The following KLHL24 variants were observed in gnomAD, a reference collection of about 807,000 sequenced individuals.
KLHL24 encodes the protein kelch like family member 24, also known as kelch-like protein 24.
Under a neutral mutation model 53.4 loss-of-function variants are expected in KLHL24, and 29 were observed. The observed-to-expected ratio is 0.54, with a 90% CI of 0.40 to 0.74. The LOEUF is 0.74. Ranked by LOEUF, KLHL24 falls within the 30% of genes least tolerant of loss-of-function variation. KLHL24 has a pLI of 0.00. For synonymous variants in KLHL24, 222 were observed against 253.7 expected (o/e 0.88, Z 1.19); for missense variants, 504 against 744.0 (o/e 0.68, Z 3.75).
At position 183,679,125 on chromosome 3, in the gene KLHL24, A is replaced by G; in HGVS notation, c.1642A>G (p.Ile548Val). 6.2e-7 allele frequency: 1 copy of G among 1,613,976 alleles called. No homozygotes were observed. Among genetic ancestry groups the G allele is most frequent in the Non-Finnish European group, 8.5e-7 (1 of 1,179,862 alleles). ...GTCTGTGTGTAATGGTAAAATATAT[A>G]TCCTGGGCGGAAGACGGGAAAATGG... ...GMSVCNGKIY[I>V]LGGRRENGEA... The change falls in exon 8 of 8, where the codon ATC becomes GTC. Residue 548 changes from isoleucine (I) to valine (V), a missense_variant. Transcript: ENST00000242810.
rs1476309921 is a variant in KLHL24 at position 183,682,404 on chromosome 3, A to G, written c.*3118A>G. 6.6e-6 allele frequency: 1 copy of G among 152,596 alleles called. No individual in the cohort carries two copies. Among genetic ancestry groups the G allele is most frequent in the East Asian group, 1.9e-4 (1 of 5,198 alleles). The allele number at this position is 152,596 out of a possible 1,614,324, so 9.5% of individuals were successfully genotyped here. On this transcript the variant is annotated 3_prime_UTR_variant, in exon 8 of 8. Coordinates refer to ENST00000242810, the MANE Select transcript of KLHL24 (RefSeq NM_017644.3). Reference sequence around the variant, plus strand: ...TGAAATACTAGTGTATTGGATCTTCAGTAACCTTTTTATTTCCTAGATGAT... The same window carrying G: ...TGAAATACTAGTGTATTGGATCTTCGGTAACCTTTTTATTTCCTAGATGAT...
rs1396546140 is a variant in KLHL24, at chr3:183,681,560, A to AT, written c.*2280dup. 6.6e-6 allele frequency: 1 copy of AT among 152,246 alleles called. No homozygotes were observed. The highest frequency in any genetic ancestry group is 1.5e-5 in the Non-Finnish European group (1 of 67,828). The allele number at this position is 152,246 out of a possible 1,614,324, so 9.4% of individuals were successfully genotyped here. On this transcript the variant is annotated 3_prime_UTR_variant, in exon 8 of 8. Transcript: ENST00000242810. The stretch of plus-strand genomic sequence containing the variant: ...AAACACAGACCTCACACCAATATTA[A>AT]TTTTTTCTCTACATAATTTAAAACT...
chr3:183,654,028 C>T (rs1404426763), intron 3 of KLHL24, among the ~76,000 whole-genome samples: 3 of 152,166 alleles, frequency 2.0e-5, no homozygotes, highest in African/African-American at 4.8e-5. Context: ...TCCACTTCTT[C>T]GACAGCAGTT....
At chr3:183,637,274 T>C (rs77255195) in intron 1 of KLHL24, among the ~76,000 whole-genome samples, 7,382 of 152,290 alleles carry the variant, frequency 0.048, 624 homozygotes, top group African/African-American at 0.17. Context: ...ATTTAAAATC[T>C]GCTTGTTGTT....
chr3:183,641,390 A>G (rs1266614903), intron 1 of KLHL24, among the ~76,000 whole-genome samples: 3 of 146,842 alleles, frequency 2.0e-5, no homozygotes, highest in Non-Finnish European at 4.4e-5. Context: ...AGGCAGGAGA[A>G]TCGCTTGAAC....
intron 1 of KLHL24, among the ~76,000 whole-genome samples, chr3:183,642,602 CAAAA>C (rs377410456): frequency 5.4e-5 from 5 of 92,982 alleles, no homozygotes; most frequent in African/African-American, 1.3e-4. Flanking sequence ...CCCCTTCCAC[CAAAA>C]AAAAAAAAAA....
At chr3:183,669,084 G>T (rs973671579) in intron 5 of KLHL24, among the ~76,000 whole-genome samples, 3 of 152,162 alleles carry the variant, frequency 2.0e-5, no homozygotes, top group African/African-American at 7.2e-5. Context: ...TTGTCTTGAT[G>T]CTCATGGCAT....
chr3:183,669,856 A>G (rs1721100183), intron 5 of KLHL24, among the ~76,000 whole-genome samples: 1 of 152,100 alleles, frequency 6.6e-6, no homozygotes, highest in South Asian at 2.1e-4. Flanking sequence ...AACGTAAAGG[A>G]AGGGGTATAT....
At chr3:183,646,307 A>C (rs1401342732) in intron 2 of KLHL24, among the ~76,000 whole-genome samples, 2 of 143,086 alleles carry the variant, frequency 1.4e-5, no homozygotes, top group Non-Finnish European at 3.0e-5. Flanking sequence ...GGTTGCAGTG[A>C]GCCGAGATTG....
intron 3 of KLHL24, among the ~76,000 whole-genome samples, chr3:183,656,461 A>G (rs1033400512): frequency 3.3e-5 from 5 of 152,224 alleles, no homozygotes; most frequent in African/African-American, 1.2e-4. Flanking sequence ...TTGAGGTAGA[A>G]AAAGTTCATA....
At chr3:183,678,844 A>G (rs1712350546) in intron 7 of KLHL24, among the ~76,000 whole-genome samples, 1 of 152,192 alleles carries the variant, frequency 6.6e-6, no homozygotes, top group Non-Finnish European at 1.5e-5. Flanking sequence ...TACAAAGGAC[A>G]TGATCTCGTT....
In KLHL24 at chr3:183,679,104, G is replaced by A. The variant is rs760050097; in HGVS notation, c.1621G>A (p.Val541Met). 6 of 1,613,278 alleles carry A rather than the reference G, an allele frequency of 3.7e-6. No homozygotes were observed. Among genetic ancestry groups the A allele is most frequent in the Non-Finnish European group, 5.1e-6 (6 of 1,179,262 alleles). Residue 541 changes from valine (V) to methionine (M), a missense_variant, in exon 8 of 8, where the codon GTG becomes ATG. Coordinates refer to ENST00000242810, the MANE Select transcript of KLHL24 (RefSeq NM_017644.3). ...FSRQENCGMS[V>M]CNGKIYILGG... Reference sequence around the variant, plus strand: ...TAAACAGGAAAACTGTGGTATGTCTGTGTGTAATGGTAAAATATATATCCT... The same window carrying A: ...TAAACAGGAAAACTGTGGTATGTCTATGTGTAATGGTAAAATATATATCCT...
chr3:183,646,019 A>G (rs1717170417), intron 2 of KLHL24, among the ~76,000 whole-genome samples: 1 of 150,934 alleles, frequency 6.6e-6, no homozygotes, highest in South Asian at 2.1e-4. Context: ...ATGCATGTAT[A>G]TTTGTACATT....
rs538424591 is a variant in KLHL24 at position 183,655,901 on chromosome 3, A to G, written c.920+4625A>G. On this transcript the variant is annotated intron_variant, in intron 3 of 7. Coordinates refer to ENST00000242810, the MANE Select transcript of KLHL24 (RefSeq NM_017644.3). ...AGCCGAGATCGCGCCACTGTACTCC[A>G]GCCTGGCAACAGAGAGAGACTCCTT... Among the ~76,000 whole-genome samples the G allele has an allele frequency of 1.1e-4, 16 of 152,162 alleles. No individual in the cohort carries two copies. In the South Asian group the frequency reaches 2.9e-3, roughly 28 times the overall value.
At chr3:183,657,858 A>G (rs1184039646) in intron 3 of KLHL24, among the ~76,000 whole-genome samples, 1 of 152,150 alleles carries the variant, frequency 6.6e-6, no homozygotes, top group Non-Finnish European at 1.5e-5. Flanking sequence ...CCTTCAGAGA[A>G]CCATTGATTC....
intron 6 of KLHL24, 101 bp downstream of exon 6, chr3:183,671,323 C>CT: frequency 9.9e-7 from 1 of 1,008,644 alleles, no homozygotes; most frequent in South Asian, 2.1e-5. Context: ...TGTGAGGGGT[C>CT]TTTTAAAAAT....
In KLHL24 at chr3:183,679,904, A is replaced by G. The variant is rs1328840214; in HGVS notation, c.*618A>G. ...TTAGAATTGCTGTCTTACATTAAAC[A>G]TGTTTTTAGGGGGAAGTTAGGTAGG... is the stretch of plus-strand genomic sequence containing the variant. On this transcript the variant is annotated 3_prime_UTR_variant, in exon 8 of 8. Coordinates refer to ENST00000242810, the MANE Select transcript of KLHL24 (RefSeq NM_017644.3). 1 of 152,168 alleles carries G rather than the reference A, an allele frequency of 6.6e-6. No individual in the cohort carries two copies. Among genetic ancestry groups the G allele is most frequent in the African/African-American group, 2.4e-5 (1 of 41,432 alleles). 9.4% of individuals were successfully genotyped at this position (152,168 alleles called of 1,614,324 possible). A position where few individuals can be genotyped will look rare whatever the true frequency, so the allele number is the denominator to read the frequency against.
In KLHL24 at chr3:183,683,151, G is replaced by T. The variant is rs192091647; in HGVS notation, c.*3865G>T. On this transcript the variant is annotated 3_prime_UTR_variant, in exon 8 of 8. Transcript: ENST00000242810. The stretch of plus-strand genomic sequence containing the variant: ...AGTAGAGACGGGGTTTAGTAGAGAC[G>T]GATCACTCCTGACCACGTGATCCGC... 1 of 151,962 alleles carries T rather than the reference G, an allele frequency of 6.6e-6. No homozygotes were observed. Among genetic ancestry groups the T allele is most frequent in the African/African-American group, 2.4e-5 (1 of 41,284 alleles). The allele number at this position is 151,962 out of a possible 1,614,324, so 9.4% of individuals were successfully genotyped here.
chr3:183,638,622 T>C (rs1423723257), intron 1 of KLHL24, among the ~76,000 whole-genome samples: 6 of 152,218 alleles, frequency 3.9e-5, no homozygotes, highest in African/African-American at 4.8e-5. Context: ...TGACAACTGT[T>C]GACATTTAAA....
Sources: gnomAD v4.1 joint callset for allele counts (sites outside exome capture counted in the v4.1 genomes callset) on GRCh38, gnomAD v4.1.1 for gene constraint, MANE v1.5 for transcripts, NCBI Gene and HGNC (gene_info 2026-07-23, HGNC 2026-07-21) for gene names.